MEIS2: variants seen among roughly 807,000 people sequenced by gnomAD.
The protein encoded by MEIS2 is homeobox protein Meis2.
A neutral mutation model predicts 58.6 loss-of-function variants in MEIS2; 9 were observed. The observed-to-expected ratio is 0.15, with a 90% CI of 0.09 to 0.27. The LOEUF (loss-of-function observed/expected upper bound fraction) is 0.27, where lower values mean the gene tolerates loss of function less well. Among genes scored for constraint, MEIS2 ranks in the 10% least tolerant of loss-of-function variants. The probability of loss-of-function intolerance (pLI) is 1.00; values close to 1 mark genes in which losing one functional copy is unlikely to be tolerated. For missense variants in MEIS2, 427 were observed against 635.0 expected (o/e 0.67, Z 3.52); for synonymous variants, 221 against 228.4 (o/e 0.97, Z 0.29).
At chr15:37,094,504 G>T (rs1351064543) in intron 5 of MEIS2, 23 bp downstream of exon 5, 1 of 1,609,788 alleles carries the variant, frequency 6.2e-7, no homozygotes, top group Non-Finnish European at 8.5e-7. Flanking sequence ...TAATCAACAC[G>T]GGGAGCGTTA....
chr15:36,997,415 T>C (rs554134663), intron 8 of MEIS2, among the ~76,000 whole-genome samples: 1 of 152,186 alleles, frequency 6.6e-6, no homozygotes, highest in East Asian at 1.9e-4. Context: ...AATCCCAGTG[T>C]CACAGGGTTG....
intron 8 of MEIS2, among the ~76,000 whole-genome samples, chr15:36,972,638 T>C (rs1207855998): frequency 6.6e-6 from 1 of 152,174 alleles, no homozygotes; most frequent in Non-Finnish European, 1.5e-5. Context: ...CTTCTTTCAA[T>C]AGTGTACTCT....
intron 7 of MEIS2, among the ~76,000 whole-genome samples, chr15:37,059,565 T>C (rs1184791653): frequency 6.6e-6 from 1 of 152,154 alleles, no homozygotes; most frequent in Non-Finnish European, 1.5e-5. Flanking sequence ...AGTTATTACA[T>C]GTCTTTAGGA....
chr15:37,055,077 G>C (rs528957106), intron 7 of MEIS2, among the ~76,000 whole-genome samples: 1 of 152,286 alleles, frequency 6.6e-6, no homozygotes, highest in Non-Finnish European at 1.5e-5. Context: ...AGGTCTTATA[G>C]GTAACAGTGC....
At chr15:36,995,138 C>T (rs987774179) in intron 8 of MEIS2, among the ~76,000 whole-genome samples, 22 of 152,168 alleles carry the variant, frequency 1.4e-4, no homozygotes, top group Admixed American at 3.3e-4. Context: ...TGCTTCCCAA[C>T]GATGCAACAA....
At chr15:37,080,076 T>G (rs1891993303) in intron 7 of MEIS2, among the ~76,000 whole-genome samples, 1 of 152,178 alleles carries the variant, frequency 6.6e-6, no homozygotes, top group South Asian at 2.1e-4. Flanking sequence ...ACAGCAAAGA[T>G]GTCAACATCA....
intron 9 of MEIS2, among the ~76,000 whole-genome samples, chr15:36,939,715 G>C (rs1266083273): frequency 6.6e-6 from 1 of 152,084 alleles, no homozygotes; most frequent in African/African-American, 2.4e-5. Context: ...ATAAAATTGT[G>C]TCATTAAAAG....
At chr15:37,000,420 C>T (rs1030989099) in intron 8 of MEIS2, among the ~76,000 whole-genome samples, 26 of 152,084 alleles carry the variant, frequency 1.7e-4, no homozygotes, top group African/African-American at 6.3e-4. Flanking sequence ...AAGATTTACT[C>T]TTCATCTTTC....
chr15:37,054,410 G>GTGTTT (rs140035470), intron 7 of MEIS2, among the ~76,000 whole-genome samples: 1,526 of 152,138 alleles, frequency 0.01, 23 homozygotes, highest in African/African-American at 0.035. Flanking sequence ...GTTTTTAATT[G>GTGTTT]TGTTTTGTTT....
intron 8 of MEIS2, 62 bp from the exon 9 acceptor site, chr15:36,950,462 T>C: frequency 1.3e-6 from 2 of 1,496,704 alleles, no homozygotes; most frequent in South Asian, 2.3e-5. Flanking sequence ...CACTTACTTC[T>C]AAGAATAAAA....
chr15:37,030,377 T>C (rs919254209), intron 8 of MEIS2, among the ~76,000 whole-genome samples: 24 of 152,200 alleles, frequency 1.6e-4, no homozygotes, highest in African/African-American at 4.6e-4. Flanking sequence ...TTTTCTTTTT[T>C]TTAGGCTGGA....
intron 8 of MEIS2, among the ~76,000 whole-genome samples, chr15:37,026,087 T>A (rs868178463): frequency 1.3e-5 from 2 of 152,258 alleles, no homozygotes; most frequent in Middle Eastern, 3.4e-3. Flanking sequence ...AAAACAAGTA[T>A]AGCAACTCAT....
At chr15:36,925,051 C>CAG (rs1354309141) in intron 9 of MEIS2, among the ~76,000 whole-genome samples, 1 of 152,152 alleles carries the variant, frequency 6.6e-6, no homozygotes, top group East Asian at 1.9e-4. Context: ...TGCAGGGATG[C>CAG]AGTGACTGTC....
intron 8 of MEIS2, among the ~76,000 whole-genome samples, chr15:37,008,982 T>C (rs1042504845): frequency 6.6e-6 from 1 of 152,190 alleles, no homozygotes. Flanking sequence ...AAGTATGGTC[T>C]CTGTGACCAT....
chr15:36,935,248 G>T (rs1472875142), intron 9 of MEIS2, among the ~76,000 whole-genome samples: 5 of 147,634 alleles, frequency 3.4e-5, no homozygotes, highest in Non-Finnish European at 7.4e-5. Context: ...CTAGGTATGT[G>T]CCTATGATGT....
chr15:37,036,069 T>A (rs1595979177), intron 8 of MEIS2, among the ~76,000 whole-genome samples: 1 of 139,316 alleles, frequency 7.2e-6, no homozygotes, highest in Non-Finnish European at 1.7e-5. Context: ...ATATTGTAAT[T>A]TTTTTGTCAT....
chr15:37,079,554 C>T (rs1045680469), intron 7 of MEIS2, among the ~76,000 whole-genome samples: 1 of 150,136 alleles, frequency 6.7e-6, no homozygotes, highest in African/African-American at 2.5e-5. Flanking sequence ...GAAAAAAATA[C>T]TATTTTATAA....
chr15:36,967,957 G>A (rs977719902), intron 8 of MEIS2, among the ~76,000 whole-genome samples: 7 of 152,184 alleles, frequency 4.6e-5, no homozygotes, highest in African/African-American at 1.7e-4. Context: ...AACTCCCCTA[G>A]CCCTCTCTAT....
chr15:36,897,965 T>G (rs148758764), intron 9 of MEIS2: 2 of 152,294 alleles, frequency 1.3e-5, no homozygotes, highest in African/African-American at 4.8e-5. Flanking sequence ...CAGGCCCCAC[T>G]CGGTCGGGCC....
Sources: gnomAD v4.1 joint callset for allele counts (sites outside exome capture counted in the v4.1 genomes callset) on GRCh38, gnomAD v4.1.1 for gene constraint, MANE v1.5 for transcripts, NCBI Gene and HGNC (gene_info 2026-07-23, HGNC 2026-07-21) for gene names.